Variants in PRKG1 observed in about 807,000 individuals in gnomAD.
PRKG1 encodes protein kinase cGMP-dependent 1.
In PRKG1, 35 loss-of-function variants were observed where a neutral mutation model predicts 88.1. That is an observed-to-expected ratio of 0.40 (90% confidence interval 0.30 to 0.53). The LOEUF (loss-of-function observed/expected upper bound fraction) is 0.53. Ranked by LOEUF, PRKG1 falls within the 20% of genes least tolerant of loss-of-function variation. The probability of loss-of-function intolerance (pLI) is 0.59; values close to 1 mark genes in which losing one functional copy is unlikely to be tolerated. For missense variants in PRKG1, 540 were observed against 839.8 expected (o/e 0.64, Z 4.41); for synonymous variants, 303 against 292.5 (o/e 1.04, Z -0.37).
At chr10:51,664,229 G>A (rs1840369476) in intron 3 of PRKG1, among the ~76,000 whole-genome samples, 1 of 152,082 alleles carries the variant, frequency 6.6e-6, no homozygotes, top group African/African-American at 2.4e-5. Context: ...AACATAATTT[G>A]ACAGAATATC....
At chr10:51,166,108 C>G (rs1846531772) in intron 2 of PRKG1, among the ~76,000 whole-genome samples, 2 of 150,536 alleles carry the variant, frequency 1.3e-5, no homozygotes, top group African/African-American at 4.9e-5. Context: ...TGCATTTCGT[C>G]TTGTTTTAGA....
chr10:51,577,655 T>C (rs948183187), intron 3 of PRKG1, among the ~76,000 whole-genome samples: 1 of 152,060 alleles, frequency 6.6e-6, no homozygotes, highest in Non-Finnish European at 1.5e-5. Context: ...AATATCTTGA[T>C]GGAATAAGAT....
At chr10:51,549,115 C>CTTTTTTTTTTTTT (rs1842514509) in intron 3 of PRKG1, among the ~76,000 whole-genome samples, 4 of 79,290 alleles carry the variant, frequency 5.0e-5, no homozygotes, top group African/African-American at 1.9e-4. Context: ...TCTTTCTTTT[C>CTTTTTTTTTTTTT]TTTTCTTTTT....
At chr10:51,202,914 G>A (rs1837950649) in intron 2 of PRKG1, among the ~76,000 whole-genome samples, 1 of 152,194 alleles carries the variant, frequency 6.6e-6, no homozygotes, top group Admixed American at 6.5e-5. Flanking sequence ...CTGGGCTTCT[G>A]AAGATATATC....
At chr10:51,144,522 AC>A (rs1845895003) in intron 1 of PRKG1, among the ~76,000 whole-genome samples, 1 of 152,150 alleles carries the variant, frequency 6.6e-6, no homozygotes, top group Non-Finnish European at 1.5e-5. Context: ...TAGTAGTAAT[AC>A]TACTACTATA....
At chr10:51,596,825 T>C (rs1022742040) in intron 3 of PRKG1, among the ~76,000 whole-genome samples, 8 of 152,200 alleles carry the variant, frequency 5.3e-5, no homozygotes, top group African/African-American at 1.9e-4. Context: ...AATGCCCTTC[T>C]CTGGAGGAGA....
chr10:51,146,627 T>C (rs554873743), intron 1 of PRKG1, among the ~76,000 whole-genome samples: 65 of 152,298 alleles, frequency 4.3e-4, no homozygotes, highest in African/African-American at 1.5e-3. Flanking sequence ...TTTTGAGGTC[T>C]TATTCTTAAG....
chr10:52,053,738 C>A (rs115032944), intron 5 of PRKG1, among the ~76,000 whole-genome samples: 349 of 152,280 alleles, frequency 2.3e-3, no homozygotes, highest in African/African-American at 6.8e-3. Flanking sequence ...CCTTTTGCGG[C>A]CTTACCTCAC....
intron 5 of PRKG1, among the ~76,000 whole-genome samples, chr10:52,047,657 G>T (rs968637460): frequency 6.6e-6 from 1 of 151,980 alleles, no homozygotes; most frequent in Non-Finnish European, 1.5e-5. Flanking sequence ...TGTCTTGCTG[G>T]TTGCCTACCT....
chr10:51,081,231 T>C (rs1469768619), intron 1 of PRKG1, among the ~76,000 whole-genome samples: 1 of 151,844 alleles, frequency 6.6e-6, no homozygotes, highest in South Asian at 2.1e-4. Flanking sequence ...GAGAGTAGAG[T>C]GAGAAGAAGA....
At chr10:51,448,855 C>T (rs972445121) in intron 2 of PRKG1, among the ~76,000 whole-genome samples, 2 of 151,968 alleles carry the variant, frequency 1.3e-5, no homozygotes, top group Admixed American at 1.3e-4. Context: ...ATTGTTCCAC[C>T]TGCTACTTAC....
chr10:51,374,587 C>T (rs12763132), intron 2 of PRKG1, among the ~76,000 whole-genome samples: 63,926 of 151,308 alleles, frequency 0.42, 13,894 homozygotes, highest in South Asian at 0.55. Context: ...TTTTTTGCCC[C>T]TTCACCTTGT....
intron 2 of PRKG1, among the ~76,000 whole-genome samples, chr10:51,329,859 C>T (rs1019175124): frequency 6.7e-6 from 1 of 149,664 alleles, no homozygotes; most frequent in Non-Finnish European, 1.5e-5. Flanking sequence ...TGCTTCATTT[C>T]TCTTGCTGCT....
intron 2 of PRKG1, among the ~76,000 whole-genome samples, chr10:51,339,976 A>G (rs1841967906): frequency 2.6e-5 from 4 of 152,232 alleles, no homozygotes; most frequent in African/African-American, 2.4e-5. Flanking sequence ...TTTCAAAAAG[A>G]TTTCACCAAC....
At chr10:52,049,608 C>G (rs77523285) in intron 5 of PRKG1, among the ~76,000 whole-genome samples, 1 of 151,880 alleles carries the variant, frequency 6.6e-6, no homozygotes, top group African/African-American at 2.4e-5. Flanking sequence ...GATGAGTAGA[C>G]AAGTGACAGG....
intron 3 of PRKG1, among the ~76,000 whole-genome samples, chr10:51,497,287 A>G (rs1840886653): frequency 6.6e-6 from 1 of 152,176 alleles, no homozygotes. Context: ...CTTTCTTAAC[A>G]GTCCTTGGAC....
At chr10:51,651,819 T>C (rs548684412) in intron 3 of PRKG1, among the ~76,000 whole-genome samples, 1 of 152,140 alleles carries the variant, frequency 6.6e-6, no homozygotes, top group South Asian at 2.1e-4. Flanking sequence ...CTTGACCTCG[T>C]GATCCACCTG....
At chr10:51,620,251 A>T (rs555114421) in intron 3 of PRKG1, among the ~76,000 whole-genome samples, 1 of 152,300 alleles carries the variant, frequency 6.6e-6, no homozygotes, top group South Asian at 2.1e-4. Context: ...TTGAAAAATA[A>T]CCGAAGGATT....
intron 12 of PRKG1, among the ~76,000 whole-genome samples, chr10:52,274,308 T>C (rs1412650501): frequency 2.1e-5 from 3 of 146,040 alleles, no homozygotes; most frequent in African/African-American, 7.4e-5. Flanking sequence ...CCAAAGCCCA[T>C]TGCATCATTC....
Sources: gnomAD v4.1 joint callset for allele counts (sites outside exome capture counted in the v4.1 genomes callset) on GRCh38, gnomAD v4.1.1 for gene constraint, MANE v1.5 for transcripts, NCBI Gene and HGNC (gene_info 2026-07-23, HGNC 2026-07-21) for gene names.